The following LRRIQ1 variants were observed in gnomAD, a reference collection of about 807,000 sequenced individuals.
LRRIQ1 encodes the protein leucine rich repeats and IQ motif containing 1.
A neutral mutation model predicts 211.9 loss-of-function variants in LRRIQ1; 210 were observed. That is an observed-to-expected ratio of 0.99 (90% confidence interval 0.89 to 1.11). LRRIQ1 has a LOEUF of 1.11. LRRIQ1 is among the 50% of genes most tolerant of loss of function. The probability of loss-of-function intolerance (pLI) is 0.00; values close to 1 mark genes in which losing one functional copy is unlikely to be tolerated. For missense variants in LRRIQ1, 2,136 were observed against 1,939.5 expected, an observed-to-expected ratio of 1.10 and a Z score of -1.90; for synonymous variants, 699 against 650.1, an observed-to-expected ratio of 1.08 and a Z score of -1.14.
chr12:85,053,862 T>C (rs1592705229), intron 7 of LRRIQ1, among the ~76,000 whole-genome samples: 1 of 152,136 alleles, frequency 6.6e-6, no homozygotes, highest in Non-Finnish European at 1.5e-5. Flanking sequence ...CGCCCGCCAC[T>C]GCGCCCAGCT....
At chr12:85,084,675 C>G (rs935302595) in intron 11 of LRRIQ1, among the ~76,000 whole-genome samples, 5 of 152,052 alleles carry the variant, frequency 3.3e-5, no homozygotes, top group African/African-American at 1.2e-4. Context: ...CCTGTAATCC[C>G]AGCACTTTGG....
intron 18 of LRRIQ1, among the ~76,000 whole-genome samples, chr12:85,130,622 C>A (rs1011316): frequency 0.56 from 85,366 of 151,926 alleles, 25,149 homozygotes; most frequent in African/African-American, 0.74. Context: ...TATTACTTCA[C>A]ATCATTGAAG....
chr12:85,270,052 A>C, the LRRIQ1 span, among the ~76,000 whole-genome samples: 4 of 152,108 alleles, frequency 2.6e-5, no homozygotes, highest in African/African-American at 9.6e-5. Context: ...CCCCACCTTC[A>C]TGACCTAATC....
chr12:85,067,464 C>A (rs773746504), intron 10 of LRRIQ1, among the ~76,000 whole-genome samples: 1 of 151,842 alleles, frequency 6.6e-6, no homozygotes, highest in Non-Finnish European at 1.5e-5. Flanking sequence ...CAATGAAAAT[C>A]TCTTTTCTTA....
chr12:85,179,176 C>T (rs1452651931), intron 24 of LRRIQ1, among the ~76,000 whole-genome samples: 1 of 151,826 alleles, frequency 6.6e-6, no homozygotes, highest in African/African-American at 2.4e-5. Context: ...TTTCCTGTGT[C>T]TGTTAATAGC....
chr12:85,256,460 G>A (rs545385809), intron 1 of LRRIQ1, among the ~76,000 whole-genome samples: 1 of 151,588 alleles, frequency 6.6e-6, no homozygotes, highest in South Asian at 2.1e-4. Flanking sequence ...TGCATTTGTC[G>A]AATGAATGAA....
At chr12:85,200,309 A>G (rs1261535587) in intron 24 of LRRIQ1, among the ~76,000 whole-genome samples, 2 of 152,118 alleles carry the variant, frequency 1.3e-5, no homozygotes, top group African/African-American at 2.4e-5. Flanking sequence ...AATTTTGTAC[A>G]TTGATTTTTG....
At chr12:85,111,124 C>A (rs929906749) in intron 15 of LRRIQ1, among the ~76,000 whole-genome samples, 1 of 152,036 alleles carries the variant, frequency 6.6e-6, no homozygotes, top group Non-Finnish European at 1.5e-5. Context: ...GTGGGTTCAG[C>A]CTGTATAATG....
intron 9 of LRRIQ1, 88 bp from the exon 10 acceptor site, chr12:85,066,660 T>C: frequency 1.0e-6 from 1 of 1,002,898 alleles, no homozygotes; most frequent in Non-Finnish European, 1.4e-6. Context: ...AGATCCTATC[T>C]CATCTTTCTT....
In LRRIQ1 at chr12:85,104,007, G is replaced by A. The variant is rs532455094; in HGVS notation, c.3213G>A (p.Leu1071=). 1.3e-6 allele frequency: 2 copies of A among 1,562,856 alleles called. No individual in the cohort carries two copies. Among genetic ancestry groups the A allele is most frequent in the Middle Eastern group, 1.8e-4 (1 of 5,610 alleles). ...LQNITISQNS[L]TKIVPLFHFV... ...AAGTTTTTGTTTTTGTTTTCAGCTT[G>A]ACTAAAATCGTACCACTTTTTCATT... The change falls in exon 14 of 27, where the codon TTG becomes TTA. Residue 1071 remains leucine, a synonymous_variant. Coordinates refer to ENST00000393217, the MANE Select transcript of LRRIQ1 (RefSeq NM_001079910.2).
At chr12:85,193,695 C>G (rs1208952982) in intron 24 of LRRIQ1, among the ~76,000 whole-genome samples, 1 of 151,952 alleles carries the variant, frequency 6.6e-6, no homozygotes, top group Non-Finnish European at 1.5e-5. Flanking sequence ...AAAGGAACAA[C>G]CAGTACCAGC....
intron 24 of LRRIQ1, among the ~76,000 whole-genome samples, chr12:85,164,624 G>A (rs1168223476): frequency 3.9e-5 from 6 of 151,998 alleles, no homozygotes; most frequent in African/African-American, 9.7e-5. Context: ...TTTTACTTAC[G>A]TTCTCTGATT....
At chr12:85,255,562 C>T (rs1896064610) in intron 1 of LRRIQ1, among the ~76,000 whole-genome samples, 1 of 151,700 alleles carries the variant, frequency 6.6e-6, no homozygotes, top group East Asian at 1.9e-4. Context: ...CTTTTTATCT[C>T]AACTATTCAA....
intron 24 of LRRIQ1, among the ~76,000 whole-genome samples, chr12:85,192,794 G>T (rs1286384223): frequency 7.2e-5 from 7 of 97,686 alleles, no homozygotes; most frequent in Admixed American, 1.6e-4. Context: ...AATATATATA[G>T]TTATATACTA....
At chr12:85,041,612 G>A (rs1253370306) in intron 3 of LRRIQ1, among the ~76,000 whole-genome samples, 1 of 151,634 alleles carries the variant, frequency 6.6e-6, no homozygotes, top group African/African-American at 2.4e-5. Context: ...GCAAGTAAAC[G>A]TTTCTGGTTG....
chr12:85,233,067 A>G (rs1162877096), intron 26 of LRRIQ1: 1 of 257,918 alleles, frequency 3.9e-6, no homozygotes, highest in South Asian at 5.3e-5. Flanking sequence ...AGAAGAGTAG[A>G]ATTTGTAGGC....
chr12:85,126,308 C>T (rs577868006), intron 17 of LRRIQ1, among the ~76,000 whole-genome samples: 1 of 150,876 alleles, frequency 6.6e-6, no homozygotes, highest in East Asian at 1.9e-4. Context: ...AGTTACAGTT[C>T]GTGAAACTTG....
the LRRIQ1 span, among the ~76,000 whole-genome samples, chr12:85,272,419 G>A: frequency 3.3e-5 from 5 of 151,934 alleles, no homozygotes; most frequent in Admixed American, 6.6e-5. Flanking sequence ...CCCAAAAATA[G>A]CATATATGAA....
At position 85,154,076 on chromosome 12, in the gene LRRIQ1, A is replaced by C. The variant is rs758686613; in HGVS notation, c.4702A>C (p.Lys1568Gln). The C allele has an allele frequency of 1.3e-6, 2 of 1,566,978 alleles. No individual in the cohort carries two copies. Among genetic ancestry groups the C allele is most frequent in the Non-Finnish European group, 1.7e-6 (2 of 1,154,922 alleles). Residue 1568 changes from lysine (K) to glutamine (Q), a missense_variant, in exon 23 of 27, where the codon AAA becomes CAA. Transcript: ENST00000393217. ...LKRAQKMKSK[K>Q]LKKKIDSTVR... ...GAGGGCACAGAAAATGAAATCGAAG[A>C]AACTAAAGAAAAAAATAGGTGAGTA...
Sources: allele counts gnomAD v4.1 joint callset (sites outside exome capture counted in the v4.1 genomes callset), GRCh38; gene constraint gnomAD v4.1.1; transcripts MANE v1.5; gene names NCBI Gene and HGNC (gene_info 2026-07-23, HGNC 2026-07-21).